ELF4: variants seen among roughly 807,000 people sequenced by gnomAD.
The protein encoded by ELF4 is E74 like ETS transcription factor 4, also known as ETS-related transcription factor Elf-4.
In ELF4, 10 loss-of-function variants were observed where a neutral mutation model predicts 31.7. That is an observed-to-expected ratio of 0.32 (90% CI 0.19 to 0.54). ELF4 has a LOEUF of 0.54. Among genes scored for constraint, ELF4 ranks in the 20% least tolerant of loss-of-function variants. ELF4 has a pLI of 0.95. For synonymous variants in ELF4, 208 were observed against 226.7 expected (o/e 0.92, Z 0.74); for missense variants, 418 against 522.0 (o/e 0.80, Z 1.94).
chrX:130,088,474 G>C, intron 1 of ELF4, among the ~76,000 whole-genome samples: 1 of 111,648 alleles, frequency 9.0e-6, no homozygotes, highest in Admixed American at 9.5e-5. Flanking sequence ...CACTTTGGGA[G>C]GCCAAGGAGG....
At chrX:130,102,973 A>C (rs1933311663) in intron 1 of ELF4, among the ~76,000 whole-genome samples, 1 of 107,835 alleles carries the variant, frequency 9.3e-6, no homozygotes, top group Non-Finnish European at 1.9e-5. Flanking sequence ...GAAGGAAGGA[A>C]GGAAGGAAGG....
intron 2 of ELF4, 43 bp downstream of exon 2, chrX:130,081,213 T>C: frequency 1.7e-6 from 2 of 1,192,957 alleles, no homozygotes; most frequent in Middle Eastern, 2.5e-4. Flanking sequence ...GTCTATCTGA[T>C]TGTCCACAGG....
rs3788848 is a variant in ELF4, at chrX:130,065,837, T to C, written c.*884A>G. 0.3 allele frequency: 51,880 copies of C among 171,953 alleles called. 6,406 individuals carry two copies. The highest frequency in any genetic ancestry group is 0.49 in the African/African-American group (16,267 of 33,411). 14.2% of individuals were successfully genotyped at this position (171,953 alleles called of 1,213,427 possible). A position where few individuals can be genotyped will look rare whatever the true frequency, so the allele number is the denominator to read the frequency against. ...AGCTCTGAGGCTGGAGGGCACTTCA[T>C]CCCCGTCTAAATCCTTCAGCAAAGC... On this transcript the variant is annotated 3_prime_UTR_variant, in exon 9 of 9. Coordinates refer to ENST00000308167, the MANE Select transcript of ELF4 (RefSeq NM_001421.4).
chrX:130,090,516 C>G (rs963185667), intron 1 of ELF4, among the ~76,000 whole-genome samples: 2 of 112,048 alleles, frequency 1.8e-5, no homozygotes, highest in African/African-American at 6.5e-5. Flanking sequence ...GCCTGACAGG[C>G]CCTTCTTCAA....
At chrX:130,089,492 A>C (rs1179339798) in intron 1 of ELF4, among the ~76,000 whole-genome samples, 1 of 79,622 alleles carries the variant, frequency 1.3e-5, no homozygotes. Context: ...CAGGGCAACA[A>C]GAGTGAGACC....
chrX:130,076,903 G>A (rs923193045), intron 2 of ELF4, among the ~76,000 whole-genome samples: 1 of 111,115 alleles, frequency 9.0e-6, no homozygotes, highest in African/African-American at 3.3e-5. Context: ...AAAAGAATGA[G>A]AATGATCCTC....
At chrX:130,110,915 A>G (rs1322171604), upstream of ELF4, among the ~76,000 whole-genome samples, 3 of 81,715 alleles carry the variant, frequency 3.7e-5, no homozygotes, top group Admixed American at 1.4e-4. Flanking sequence ...ACGTCCCCGC[A>G]GGCGGCGGAT....
chrX:130,066,361 T>C lies in ELF4; in HGVS notation c.*360A>G, dbSNP rs894107756. On this transcript the variant is annotated 3_prime_UTR_variant, in exon 9 of 9. Coordinates refer to ENST00000308167, the MANE Select transcript of ELF4 (RefSeq NM_001421.4). ...CACATATAGGGTAGTAAATTCCCTG[T>C]GTAGGGAATGCAGCCAGTGAGATAG... 1 of 285,292 alleles carries C rather than the reference T, an allele frequency of 3.5e-6. No individual in the cohort carries two copies. Among genetic ancestry groups the C allele is most frequent in the Non-Finnish European group, 6.2e-6 (1 of 161,166 alleles). 23.5% of individuals were successfully genotyped at this position (285,292 alleles called of 1,213,427 possible).
Position 130,064,046 on chromosome X carries a change from C to T in ELF4, c.*2675G>A, listed in dbSNP as rs1462108826. On this transcript the variant is annotated 3_prime_UTR_variant, in exon 9 of 9. Coordinates refer to ENST00000308167, the MANE Select transcript of ELF4 (RefSeq NM_001421.4). ...TTCTGGGATACATGTGCAGAACGTG[C>T]AGGTTTGTTACATAGGTATACATGT... 9.3e-6 allele frequency among the ~76,000 whole-genome samples: 1 copy of T among 107,190 alleles called. No individual in the cohort carries two copies. The highest frequency in any genetic ancestry group is 1.9e-5 in the Non-Finnish European group (1 of 52,070). The allele number at this position is 107,190 out of a possible 115,157, so 93.1% of individuals were successfully genotyped here. A position where few individuals can be genotyped will look rare whatever the true frequency, so the allele number is the denominator to read the frequency against.
rs746199501 is a variant in ELF4, at chrX:130,074,069, A to T, written c.320T>A (p.Ile107Asn). 18 of 1,209,890 alleles carry T rather than the reference A, an allele frequency of 1.5e-5. No individual in the cohort carries two copies. The South Asian group carries it at 3.0e-4, about 20-fold the overall frequency. Residue 107 changes from isoleucine (I) to asparagine (N), a missense_variant, in exon 4 of 9, where the codon ATC (isoleucine) becomes AAC (asparagine). Physicochemically the swap from Ile to Asn is moderately radical, Grantham distance 149. This residue lies in a region of ELF4 where 88 missense variants were observed against 92.4 expected (regional missense o/e 0.95). Coordinates refer to ENST00000308167, the MANE Select transcript of ELF4 (RefSeq NM_001421.4). Reference protein sequence around the residue: ...VLLNMESPSDILDEKQIFSTS... With the variant: ...VLLNMESPSDNLDEKQIFSTS... ...CTTACAGATCTGCTTCTCATCCAGG[A>T]TATCGCTGGGAGACTCCATATTGAG...
intron 1 of ELF4, among the ~76,000 whole-genome samples, chrX:130,094,691 G>A (rs1933121117): frequency 1.8e-5 from 2 of 111,348 alleles, no homozygotes; most frequent in African/African-American, 6.5e-5. Flanking sequence ...CCCCTGAGGG[G>A]AGTACCTGCT....
upstream of ELF4, chrX:130,110,625 C>T (rs764374650): frequency 9.1e-6 from 1 of 110,098 alleles, no homozygotes; most frequent in South Asian, 3.7e-4. Flanking sequence ...CTCACCTCGG[C>T]GCCGGGGCAG....
intron 1 of ELF4, among the ~76,000 whole-genome samples, chrX:130,087,628 C>T (rs943473364): frequency 2.7e-5 from 3 of 111,244 alleles, no homozygotes; most frequent in East Asian, 2.8e-4. Context: ...CCACCACGCC[C>T]GGCTATTTTT....
intron 1 of ELF4, among the ~76,000 whole-genome samples, chrX:130,097,680 C>T (rs1034016687): frequency 6.2e-5 from 7 of 112,501 alleles, no homozygotes; most frequent in African/African-American, 1.9e-4. Flanking sequence ...GTTCTGATTT[C>T]GCCTCAGCAG....
chrX:130,067,475 G>A lies in ELF4; in HGVS notation c.1238C>T (p.Ser413Leu), dbSNP rs201000718. The A allele has an allele frequency of 7.4e-5, 90 of 1,210,212 alleles. 1 individual carries two copies. In the Admixed American group the frequency reaches 1.3e-3, roughly 18 times the overall value. ...CGTCTGCAGGGTCAGGGCCGAGCCCGACCCCACGGGGGCCACTCCTAGGTG... is the reference window on the plus strand; with the variant it reads ...CGTCTGCAGGGTCAGGGCCGAGCCCAACCCCACGGGGGCCACTCCTAGGTG... Reference protein sequence around the residue: ...NIHLGVAPVGSGSALTLQTIP... With the variant: ...NIHLGVAPVGLGSALTLQTIP... Residue 413 changes from serine (S) to leucine (L), a missense_variant, in exon 9 of 9, where the codon TCG becomes TTG. Physicochemically the swap from Ser to Leu is moderately radical, Grantham distance 145. Transcript: ENST00000308167.
intron 4 of ELF4, among the ~76,000 whole-genome samples, chrX:130,073,771 C>G (rs1270453718): frequency 1.8e-5 from 2 of 112,629 alleles, no homozygotes; most frequent in Non-Finnish European, 3.8e-5. Flanking sequence ...CTCAGCCTCC[C>G]AAAGTGCTGG....
intron 2 of ELF4, among the ~76,000 whole-genome samples, chrX:130,079,044 G>T (rs1932863300): frequency 9.0e-6 from 1 of 111,070 alleles, no homozygotes; most frequent in African/African-American, 3.3e-5. Context: ...GGGAAGAAAG[G>T]AACTAAAAAG....
chrX:130,073,537 G>A (rs1932806631), intron 4 of ELF4, among the ~76,000 whole-genome samples: 1 of 111,695 alleles, frequency 9.0e-6, no homozygotes, highest in Non-Finnish European at 1.9e-5. Context: ...TTGAGACAGA[G>A]GTTCGCTCTT....
intron 8 of ELF4, among the ~76,000 whole-genome samples, chrX:130,067,958 G>A (rs894229497): frequency 2.7e-5 from 3 of 111,495 alleles, no homozygotes; most frequent in African/African-American, 9.8e-5. Context: ...GATTATAGGC[G>A]AGCACCACTA....
Sources: allele counts gnomAD v4.1 joint callset (sites outside exome capture counted in the v4.1 genomes callset), GRCh38; gene constraint gnomAD v4.1.1; regional missense constraint gnomAD v4.1.1; transcripts MANE v1.5; gene names NCBI Gene and HGNC (gene_info 2026-07-23, HGNC 2026-07-21).